Variants in USP49 observed in about 807,000 individuals in gnomAD.
The protein encoded by USP49 is ubiquitin specific peptidase 49, also known as ubiquitin carboxyl-terminal hydrolase 49.
USP49 carries 24 observed loss-of-function variants against 58.6 expected under a neutral mutation model. The observed-to-expected ratio is 0.41, with a 90% CI of 0.30 to 0.58. The LOEUF (loss-of-function observed/expected upper bound fraction) is 0.58. Among genes scored for constraint, USP49 ranks in the 20% least tolerant of loss-of-function variants. The pLI is 0.30. For synonymous variants in USP49, 408 were observed against 365.1 expected (o/e 1.12, Z -1.34); for missense variants, 703 against 866.1 (o/e 0.81, Z 2.36).
In USP49 at chr6:41,841,014, C is replaced by CA. The variant is rs1246199740; in HGVS notation, c.-29+30549dup. 5.0e-3 allele frequency among the ~76,000 whole-genome samples: 669 copies of CA among 134,610 alleles called. 5 individuals carry two copies. The highest frequency in any genetic ancestry group is 0.011 in the Middle Eastern group (3 of 270). The allele number at this position is 134,610 out of a possible 152,430, so 88.3% of individuals were successfully genotyped here. On this transcript the variant is annotated intron_variant, in intron 3 of 7. Transcript: ENST00000682992. ...AGCAAGATCCTTGTAGACCTTGTTT[C>CA]AAAAAAAAAAACAAAAAACAAAAAA...
rs1772872873 is a variant in USP49 at position 41,795,626 on chromosome 6, GGCCTTCAATAA to G, written c.*896_*906del. 6.6e-6 allele frequency: 1 copy of G among 152,198 alleles called. No homozygotes were observed. The highest frequency in any genetic ancestry group is 2.4e-5 in the African/African-American group (1 of 41,456). 9.4% of individuals were successfully genotyped at this position (152,198 alleles called of 1,614,324 possible). The stretch of plus-strand genomic sequence containing the variant: ...CGCACTGAAGTGAGAACGGGTGACA[GGCCTTCAATAA>G]GCCCTGGAGCATCAGCTATCTCTGC... On this transcript the variant is annotated 3_prime_UTR_variant, in exon 8 of 8. Transcript: ENST00000682992.
At chr6:41,827,446 G>T (rs958711837) in intron 3 of USP49, among the ~76,000 whole-genome samples, 2 of 152,084 alleles carry the variant, frequency 1.3e-5, no homozygotes, top group Non-Finnish European at 2.9e-5. Flanking sequence ...GATCACTTGA[G>T]GTCAGGAGTT....
chr6:41,861,992 G>A (rs1285138111), intron 3 of USP49, among the ~76,000 whole-genome samples: 2 of 152,114 alleles, frequency 1.3e-5, no homozygotes, highest in Non-Finnish European at 2.9e-5. Context: ...ATGAGCCACC[G>A]CACCCGGCCA....
Position 41,806,378 on chromosome 6 carries a change from G to A in USP49, c.606C>T (p.Ser202=), listed in dbSNP as rs756203576. 1.9e-6 allele frequency: 3 copies of A among 1,545,904 alleles called. No homozygotes were observed. The highest frequency in any genetic ancestry group is 1.2e-5 in the South Asian group (1 of 82,080). Residue 202 remains serine, a synonymous_variant, in exon 4 of 8, where the codon AGC becomes AGT. Transcript: ENST00000682992. The surrounding 1 kb of genome is among the most constrained non-coding windows in gnomAD (Gnocchi z 5.9). ...VKRRLLEELA[S]TPPRKSARLL... The stretch of plus-strand genomic sequence containing the variant: ...GCCGTGCACTCTTGCGCGGAGGGGT[G>A]CTGGCCAGCTCCTCCAGCAGCCGCC...
intron 2 of USP49, among the ~76,000 whole-genome samples, chr6:41,882,067 A>G (rs945753979): frequency 6.7e-6 from 1 of 149,262 alleles, no homozygotes; most frequent in African/African-American, 2.5e-5. Context: ...ATCAATTTTG[A>G]AAAAAAAAAG....
chr6:41,873,430 T>C (rs1774450247), intron 2 of USP49, among the ~76,000 whole-genome samples: 1 of 152,044 alleles, frequency 6.6e-6, no homozygotes, highest in African/African-American at 2.4e-5. Flanking sequence ...GCAGAAGAGG[T>C]TACAAGATCA....
At chr6:41,863,270 T>C (rs1356405691) in intron 3 of USP49, among the ~76,000 whole-genome samples, 1 of 152,184 alleles carries the variant, frequency 6.6e-6, no homozygotes, top group African/African-American at 2.4e-5. Context: ...GAGTATTAGA[T>C]CCTAGTCTAG....
intron 3 of USP49, among the ~76,000 whole-genome samples, chr6:41,846,403 C>A (rs1201710259): frequency 2.6e-5 from 4 of 152,142 alleles, no homozygotes; most frequent in Non-Finnish European, 5.9e-5. Flanking sequence ...CCTTCCCCAA[C>A]AGAGACACAG....
chr6:41,863,392 A>T (rs2127355814), intron 3 of USP49, among the ~76,000 whole-genome samples: 1 of 152,190 alleles, frequency 6.6e-6, no homozygotes, highest in Non-Finnish European at 1.5e-5. Context: ...CCTTGCCCCA[A>T]ATCTGTCCTT....
intron 3 of USP49, among the ~76,000 whole-genome samples, chr6:41,842,418 T>G (rs994927009): frequency 6.6e-6 from 1 of 152,106 alleles, no homozygotes; most frequent in East Asian, 1.9e-4. Flanking sequence ...GGTGTTGCTG[T>G]TCAATCACCA....
intron 2 of USP49, among the ~76,000 whole-genome samples, chr6:41,888,048 CTTTTTTTT>C (rs35468035): frequency 1.2e-5 from 1 of 85,510 alleles, no homozygotes; most frequent in African/African-American, 4.4e-5. Flanking sequence ...TCACAATCAG[CTTTTTTTT>C]TTTTTTTTTT....
intron 3 of USP49, among the ~76,000 whole-genome samples, chr6:41,860,722 G>A (rs1774205826): frequency 6.6e-6 from 1 of 152,112 alleles, no homozygotes; most frequent in African/African-American, 2.4e-5. Context: ...ATGTTGGCCA[G>A]GATGGTCTCA....
At chr6:41,879,486 G>A (rs560345654) in intron 2 of USP49, among the ~76,000 whole-genome samples, 2 of 152,080 alleles carry the variant, frequency 1.3e-5, no homozygotes, top group South Asian at 4.1e-4. Flanking sequence ...AGACAAACCA[G>A]AAAAACTCAA....
At position 41,806,004 on chromosome 6, in the gene USP49, C is replaced by T. The variant is rs767655189; in HGVS notation, c.980G>A (p.Arg327Gln). The T allele has an allele frequency of 1.9e-5, 31 of 1,613,834 alleles. No homozygotes were observed. The highest frequency in any genetic ancestry group is 8.8e-5 in the South Asian group (8 of 91,094). Reference sequence around the variant, plus strand: ...CCTGCCGTTCCAGCAGAAGCCCTCCCGCTCGCATGCCTCGGCCCTGTCATT... The same window carrying T: ...CCTGCCGTTCCAGCAGAAGCCCTCCTGCTCGCATGCCTCGGCCCTGTCATT... ...LRNDRAEACE[R>Q]EGFCWNGRAS... The change falls in exon 4 of 8, where the codon CGG (arginine) becomes CAG (glutamine). Residue 327 changes from arginine (R) to glutamine (Q), a missense_variant. Transcript: ENST00000682992. This position sits in a 1 kb window ranked among gnomAD's most constrained non-coding sequence, Gnocchi z 5.9.
At chr6:41,861,131 A>G (rs1301464036) in intron 3 of USP49, among the ~76,000 whole-genome samples, 1 of 151,634 alleles carries the variant, frequency 6.6e-6, no homozygotes, top group East Asian at 2.0e-4. Flanking sequence ...CTCTGCCTCA[A>G]AACATAACAA....
intron 3 of USP49, among the ~76,000 whole-genome samples, chr6:41,821,461 C>T (rs188778807): frequency 2.0e-5 from 3 of 152,294 alleles, no homozygotes. Context: ...CTTTCTGAAA[C>T]TTCCCCTTTA....
rs1038582955 is a variant in USP49 at position 41,807,515 on chromosome 6, A to T, written c.-28-504T>A. The stretch of plus-strand genomic sequence containing the variant: ...GAGTGCAGTGGCGGGATATCAGCTC[A>T]TTGCAACCTCCACCTCCCGGGCTCA... On this transcript the variant is annotated intron_variant, in intron 3 of 7. Transcript: ENST00000682992. 1.1e-4 allele frequency among the ~76,000 whole-genome samples: 16 copies of T among 152,124 alleles called. No homozygotes were observed. In the East Asian group the frequency reaches 3.1e-3, roughly 29 times the overall value.
intron 3 of USP49, among the ~76,000 whole-genome samples, chr6:41,861,218 C>T (rs945288395): frequency 6.6e-5 from 10 of 151,944 alleles, no homozygotes; most frequent in East Asian, 5.8e-4. Context: ...CCGAGGCAGG[C>T]GGATCACGAG....
chr6:41,855,654 G>A (rs151197430), intron 3 of USP49, among the ~76,000 whole-genome samples: 11 of 152,218 alleles, frequency 7.2e-5, no homozygotes, highest in Non-Finnish European at 1.0e-4. Flanking sequence ...ATCTGATCCC[G>A]CCATTTTAAT....
Sources: gnomAD v4.1 joint callset for allele counts (sites outside exome capture counted in the v4.1 genomes callset) on GRCh38, gnomAD v4.1.1 for gene constraint, Gnocchi (gnomAD v3.1) non-coding constraint, MANE v1.5 for transcripts, NCBI Gene and HGNC (gene_info 2026-07-23, HGNC 2026-07-21) for gene names.